CYP4F3: variants seen among roughly 807,000 people sequenced by gnomAD.
CYP4F3 encodes cytochrome P450 family 4 subfamily F member 3.
Under a neutral mutation model 54.8 loss-of-function variants are expected in CYP4F3, and 50 were observed. The ratio of observed to expected loss-of-function variants is 0.91; its 90% CI spans 0.73 to 1.16. CYP4F3 has a LOEUF of 1.16. Among genes scored for constraint, CYP4F3 ranks in the 50% most tolerant of loss-of-function variants. CYP4F3 has a pLI of 0.00. For synonymous variants in CYP4F3, 244 were observed against 262.6 expected, an observed-to-expected ratio of 0.93 and a Z score of 0.69; for missense variants, 715 against 676.2, an observed-to-expected ratio of 1.06 and a Z score of -0.64.
chr19:15,643,462 ACAG>A (rs1972534916), intron 2 of CYP4F3, among the ~76,000 whole-genome samples: 3 of 152,054 alleles, frequency 2.0e-5, no homozygotes, highest in African/African-American at 7.3e-5. Flanking sequence ...AGATAGACAG[ACAG>A]GCAGACAGAC....
intron 2 of CYP4F3, among the ~76,000 whole-genome samples, chr19:15,643,080 G>T (rs1166437875): frequency 6.7e-6 from 1 of 148,752 alleles, no homozygotes; most frequent in Non-Finnish European, 1.5e-5. Context: ...CAGATAAGAT[G>T]GATGGATGGA....
In CYP4F3 at chr19:15,650,053, T is replaced by G. The variant is rs1465948910; in HGVS notation, c.788T>G (p.Val263Gly). Residue 263 changes from valine (V) to glycine (G), a missense_variant, in exon 7 of 13, where the codon GTG becomes GGG. Physicochemically the swap from Val to Gly is moderately radical, Grantham distance 109 (BLOSUM62 -3). Coordinates refer to ENST00000221307, the MANE Select transcript of CYP4F3 (RefSeq NM_000896.3). ...CGTTTCCGCAGGGCCTGCCGCCTGG[T>G]GCACGACTTCACAGATGCCGTCATC... ...GQRFRRACRLVHDFTDAVIQE... is the reference protein window; with the variant it reads ...GQRFRRACRLGHDFTDAVIQE... The G allele has an allele frequency of 6.2e-7, 1 of 1,614,172 alleles. No homozygotes were observed. The highest frequency in any genetic ancestry group is 1.7e-5 in the Admixed American group (1 of 60,018).
At chr19:15,644,090 AT>A in intron 2 of CYP4F3, 1 of 1,485,476 alleles carries the variant, frequency 6.7e-7, no homozygotes, top group South Asian at 1.4e-5. Flanking sequence ...GCTATGGTGC[AT>A]TTGAGGCCTG....
At chr19:15,657,924 T>A (rs909875451) in intron 9 of CYP4F3, among the ~76,000 whole-genome samples, 3 of 152,188 alleles carry the variant, frequency 2.0e-5, no homozygotes, top group Admixed American at 2.0e-4. Context: ...TACTTTTGAT[T>A]AATTTTTATG....
chr19:15,642,419 T>C (rs548200321), intron 2 of CYP4F3, among the ~76,000 whole-genome samples: 15 of 152,270 alleles, frequency 9.9e-5, no homozygotes, highest in African/African-American at 2.9e-4. Context: ...GAAGGTCCCC[T>C]GTGTGCAGAA....
chr19:15,658,418 G>A, intron 10 of CYP4F3, 21 bp downstream of exon 10: 1 of 1,613,644 alleles, frequency 6.2e-7, no homozygotes, highest in Non-Finnish European at 8.5e-7. Context: ...CTCAGGGGGA[G>A]GAGCCTCCTG....
intron 7 of CYP4F3, among the ~76,000 whole-genome samples, chr19:15,651,524 T>G (rs1220030607): frequency 7.2e-6 from 1 of 139,358 alleles, no homozygotes; most frequent in Non-Finnish European, 1.6e-5. Flanking sequence ...CCTGGCTAAT[T>G]TTTTGTATTT....
chr19:15,658,273 G>A lies in CYP4F3; in HGVS notation c.1125G>A (p.Leu375=). ...REPKEIEWDD[L]AQLPFLTMCI... Reference sequence around the variant, plus strand: ...TGGGGTGTTTCCTTAGGGACGACCTGGCCCAGCTGCCCTTCCTGACCATGT... The same window carrying A: ...TGGGGTGTTTCCTTAGGGACGACCTAGCCCAGCTGCCCTTCCTGACCATGT... Residue 375 remains leucine (L), a synonymous_variant, in exon 10 of 13, where the codon CTG becomes CTA. Coordinates refer to ENST00000221307, the MANE Select transcript of CYP4F3 (RefSeq NM_000896.3). The A allele has an allele frequency of 6.2e-7, 1 of 1,614,070 alleles. No homozygotes were observed. The highest frequency in any genetic ancestry group is 1.1e-5 in the South Asian group (1 of 91,080).
At chr19:15,644,180 A>G (rs553758007) in intron 2 of CYP4F3, 1 of 1,191,854 alleles carries the variant, frequency 8.4e-7, no homozygotes, top group Non-Finnish European at 1.1e-6. Flanking sequence ...AGCCATCTTC[A>G]TCTTTCTTTC....
Position 15,650,000 on chromosome 19 carries a change from C to A in CYP4F3, c.735C>A (p.Phe245Leu). The change falls in exon 7 of 13, where the codon TTC becomes TTA. Residue 245 changes from phenylalanine (F) to leucine (L), a missense_variant. Coordinates refer to ENST00000221307, the MANE Select transcript of CYP4F3 (RefSeq NM_000896.3). ...RHQQILLYID[F>L]LYYLTPDGQR... ...AGCAGATCCTCCTGTACATAGACTT[C>A]CTGTATTATCTCACCCCTGATGGGC... The A allele has an allele frequency of 6.2e-7, 1 of 1,614,186 alleles. No homozygotes were observed. The highest frequency in any genetic ancestry group is 8.5e-7 in the Non-Finnish European group (1 of 1,180,032).
At position 15,662,636 on chromosome 19, in the gene CYP4F3, C is replaced by T. The variant is rs189492368; in HGVS notation, c.*3251C>T. On this transcript the variant is annotated 3_prime_UTR_variant, in exon 13 of 13. Transcript: ENST00000221307. ...GAATCTATAGATCAATCTGAGGAGA[C>T]TTAATAATGATATTGATTCTCCCAA... is the stretch of plus-strand genomic sequence containing the variant. The T allele has an allele frequency of 6.6e-6, 1 of 152,266 alleles. No individual in the cohort carries two copies. The highest frequency in any genetic ancestry group is 1.9e-4 in the East Asian group (1 of 5,192). The allele number at this position is 152,266 out of a possible 1,614,324, so 9.4% of individuals were successfully genotyped here.
chr19:15,646,412 G>A (rs1181932634), intron 3 of CYP4F3, among the ~76,000 whole-genome samples: 2 of 152,202 alleles, frequency 1.3e-5, no homozygotes, highest in African/African-American at 4.8e-5. Context: ...TGAGGCATGT[G>A]TTGTAGTATG....
At position 15,647,216 on chromosome 19, in the gene CYP4F3, T is replaced by C. The variant is rs753487720; in HGVS notation, c.417T>C (p.Ser139=). Residue 139 remains serine (S), a synonymous_variant, in exon 5 of 13, where the codon AGT becomes AGC. Coordinates refer to ENST00000221307, the MANE Select transcript of CYP4F3 (RefSeq NM_000896.3). The part of the protein sequence containing the change: ...KPWLGDGLLL[S]AGEKWSRHRR... Reference sequence around the variant, plus strand: ...TGCCAGGGGATGGGCTCCTGCTGAGTGCTGGTGAAAAGTGGAGCCGCCACC... The same window carrying C: ...TGCCAGGGGATGGGCTCCTGCTGAGCGCTGGTGAAAAGTGGAGCCGCCACC... 16 of 1,614,052 alleles carry C rather than the reference T, an allele frequency of 9.9e-6. No homozygotes were observed. Among genetic ancestry groups the C allele is most frequent in the Middle Eastern group, 1.6e-4 (1 of 6,082 alleles).
chr19:15,656,746 A>ATCTATCTG (rs1555743693), intron 9 of CYP4F3, among the ~76,000 whole-genome samples: 14 of 97,220 alleles, frequency 1.4e-4, no homozygotes, highest in African/African-American at 5.5e-4. Flanking sequence ...CTATCTATCT[A>ATCTATCTG]TCTATCTATC....
intron 6 of CYP4F3, among the ~76,000 whole-genome samples, chr19:15,649,679 C>G (rs1301310060): frequency 1.3e-5 from 2 of 152,096 alleles, no homozygotes; most frequent in Non-Finnish European, 2.9e-5. Flanking sequence ...AATGTGCAAA[C>G]TATCCTCTGG....
Position 15,658,378 on chromosome 19 carries a change from C to T in CYP4F3, c.1230C>T (p.Asp410=), listed in dbSNP as rs766845413. Residue 410 remains aspartate, a synonymous_variant, in exon 10 of 13, where the codon GAC becomes GAT. Coordinates refer to ENST00000221307, the MANE Select transcript of CYP4F3 (RefSeq NM_000896.3). ...RCCTQDIVLP[D]GRVIPKGIIC... is the part of the protein sequence containing the mutation. ...GCACCCAAGACATTGTGCTCCCAGA[C>T]GGCCGGGTCATCCCCAAAGGTGCCA... is the stretch of plus-strand genomic sequence containing the variant. 1.2e-5 allele frequency: 19 copies of T among 1,613,920 alleles called. No individual in the cohort carries two copies. The highest frequency in any genetic ancestry group is 2.2e-5 in the East Asian group (1 of 44,890).
chr19:15,650,304 G>C (rs748051678), intron 7 of CYP4F3, 121 bp downstream of exon 7: 2 of 1,585,762 alleles, frequency 1.3e-6, no homozygotes, highest in South Asian at 2.3e-5. Context: ...ATTGAGGAAG[G>C]GAGGGACAGG....
chr19:15,642,750 G>A (rs564463711), intron 2 of CYP4F3, among the ~76,000 whole-genome samples: 1 of 152,316 alleles, frequency 6.6e-6, no homozygotes, highest in Admixed American at 6.5e-5. Context: ...ATAGGTAATA[G>A]GATAGATGGA....
intron 7 of CYP4F3, 95 bp downstream of exon 7, chr19:15,650,278 G>C (rs187118946): frequency 1.5e-5 from 24 of 1,609,092 alleles, no homozygotes; most frequent in Non-Finnish European, 2.0e-5. Context: ...AGGGCACTGG[G>C]GAGCCATGGA....
Sources: gnomAD v4.1 joint callset for allele counts (sites outside exome capture counted in the v4.1 genomes callset) on GRCh38, gnomAD v4.1.1 for gene constraint, MANE v1.5 for transcripts, NCBI Gene and HGNC (gene_info 2026-07-23, HGNC 2026-07-21) for gene names.